The following PDCD10 variants were observed in gnomAD, a reference collection of about 807,000 sequenced individuals.
PDCD10 encodes the protein programmed cell death 10.
A neutral mutation model predicts 29.2 loss-of-function variants in PDCD10; 4 were observed. That is an observed-to-expected ratio of 0.14 (90% CI 0.07 to 0.31). PDCD10 has a LOEUF of 0.31. Among genes scored for constraint, PDCD10 ranks in the 10% least tolerant of loss-of-function variants. The pLI is 1.00. For synonymous variants in PDCD10, 70 were observed against 82.2 expected (o/e 0.85, Z 0.80); for missense variants, 183 against 257.9 (o/e 0.71, Z 1.99).
At chr3:167,709,028 C>A (rs186959814) in intron 3 of PDCD10, among the ~76,000 whole-genome samples, 1 of 151,756 alleles carries the variant, frequency 6.6e-6, no homozygotes, top group Non-Finnish European at 1.5e-5. Flanking sequence ...TAATTCAAAC[C>A]CAAAATGCTA....
At chr3:167,719,181 A>C (rs2108481478) in intron 3 of PDCD10, among the ~76,000 whole-genome samples, 1 of 152,276 alleles carries the variant, frequency 6.6e-6, no homozygotes, top group South Asian at 2.1e-4. Context: ...AATTCATTGG[A>C]AATGGTGAGA....
intron 4 of PDCD10, among the ~76,000 whole-genome samples, chr3:167,700,838 A>G (rs1721335031): frequency 6.6e-6 from 1 of 152,234 alleles, no homozygotes; most frequent in Non-Finnish European, 1.5e-5. Context: ...CCCACACACC[A>G]TTAAGAAAAT....
At chr3:167,690,700 A>C (rs1385234716) in intron 6 of PDCD10, among the ~76,000 whole-genome samples, 1 of 152,202 alleles carries the variant, frequency 6.6e-6, no homozygotes, top group African/African-American at 2.4e-5. Flanking sequence ...CATTGAGAAA[A>C]GGGAGGAAAA....
chr3:167,704,353 G>C (rs1439790495), intron 4 of PDCD10, among the ~76,000 whole-genome samples: 1 of 151,984 alleles, frequency 6.6e-6, no homozygotes, highest in Non-Finnish European at 1.5e-5. Flanking sequence ...TCAGCCTCCT[G>C]AGTAGCAAGA....
In PDCD10 at chr3:167,687,190, A is replaced by C. The variant is rs756797969; in HGVS notation, c.557+44T>G. 5 of 991,430 alleles carry C rather than the reference A, an allele frequency of 5.0e-6. No individual in the cohort carries two copies. In the African/African-American group the frequency reaches 6.5e-5, roughly 13 times the overall value. The allele number at this position is 991,430 out of a possible 1,614,324, so 61.4% of individuals were successfully genotyped here. A position where few individuals can be genotyped will look rare whatever the true frequency, so the allele number is the denominator to read the frequency against. On this transcript the variant is annotated intron_variant, in intron 8 of 8. Coordinates refer to ENST00000392750, the MANE Select transcript of PDCD10 (RefSeq NM_007217.4). ...GTTTTCATATCATATAAAACCACAT[A>C]ATCTATTTAATTTTAAAAGTAAAGG...
intron 5 of PDCD10, 127 bp downstream of exon 5, chr3:167,696,876 CCATCAT>C: frequency 1.4e-6 from 1 of 724,090 alleles, no homozygotes; most frequent in Non-Finnish European, 2.5e-6. Flanking sequence ...ACCACCACCA[CCATCAT>C]CATCATAAGT....
chr3:167,703,982 T>G (rs1271048321), intron 4 of PDCD10, among the ~76,000 whole-genome samples: 1 of 152,240 alleles, frequency 6.6e-6, no homozygotes, highest in Non-Finnish European at 1.5e-5. Context: ...TATCTTGATC[T>G]GACCTAGTCT....
intron 3 of PDCD10, among the ~76,000 whole-genome samples, chr3:167,712,550 A>C (rs1408628249): frequency 6.6e-6 from 1 of 152,058 alleles, no homozygotes; most frequent in African/African-American, 2.4e-5. Context: ...AGGAAGGAAA[A>C]AAGGAAGAGA....
In PDCD10 at chr3:167,720,201, G is replaced by A; in HGVS notation, c.-44C>T. 7.9e-7 allele frequency: 1 copy of A among 1,263,308 alleles called. No homozygotes were observed. The allele number at this position is 1,263,308 out of a possible 1,614,324, so 78.3% of individuals were successfully genotyped here. A position where few individuals can be genotyped will look rare whatever the true frequency, so the allele number is the denominator to read the frequency against. ...TGAAAAAGCAGTGCTAAAATGCAGA[G>A]GAATCTTCATTCACTGCAATATTTC... On this transcript the variant is annotated 5_prime_UTR_variant, in exon 3 of 9. Coordinates refer to ENST00000392750, the MANE Select transcript of PDCD10 (RefSeq NM_007217.4).
Position 167,684,360 on chromosome 3 carries a change from C to A in PDCD10, c.587G>T (p.Arg196Leu). Reference protein sequence around the residue: ...KAINVFVSANRLIHQTNLILQ... With the variant: ...KAINVFVSANLLIHQTNLILQ... ...TATTAAGTTGGTTTGATGAATTAGT[C>A]GGTTGGCACTTACGAACACATTTAT... Residue 196 changes from arginine (R) to leucine (L), a missense_variant, in exon 9 of 9, where the codon CGA becomes CTA. Coordinates refer to ENST00000392750, the MANE Select transcript of PDCD10 (RefSeq NM_007217.4). 1.9e-6 allele frequency: 3 copies of A among 1,606,652 alleles called. No individual in the cohort carries two copies. Among genetic ancestry groups the A allele is most frequent in the Non-Finnish European group, 2.6e-6 (3 of 1,173,858 alleles).
intron 2 of PDCD10, among the ~76,000 whole-genome samples, chr3:167,728,577 A>C (rs1483624973): frequency 1.3e-5 from 2 of 152,214 alleles, no homozygotes; most frequent in African/African-American, 2.4e-5. Flanking sequence ...CTCTAACCTA[A>C]AATTGTAAAA....
At chr3:167,726,226 G>A (rs936971976) in intron 2 of PDCD10, among the ~76,000 whole-genome samples, 4 of 144,724 alleles carry the variant, frequency 2.8e-5, no homozygotes, top group East Asian at 2.1e-4. Context: ...TCAGCCTCTC[G>A]AGTACTGGGA....
At chr3:167,706,257 C>A (rs1469873856) in intron 3 of PDCD10, among the ~76,000 whole-genome samples, 1 of 152,178 alleles carries the variant, frequency 6.6e-6, no homozygotes, top group Non-Finnish European at 1.5e-5. Context: ...TATACTAAAT[C>A]AAAAATCTGT....
intron 3 of PDCD10, among the ~76,000 whole-genome samples, chr3:167,719,032 T>TGTA (rs1253002060): frequency 2.0e-5 from 3 of 151,948 alleles, no homozygotes; most frequent in Non-Finnish European, 4.4e-5. Flanking sequence ...TGGCAACGAG[T>TGTA]GTAAATGGAT....
chr3:167,723,072 T>G (rs776770146), intron 2 of PDCD10, among the ~76,000 whole-genome samples: 10 of 152,196 alleles, frequency 6.6e-5, no homozygotes, highest in Admixed American at 2.6e-4. Context: ...AACTGAACTT[T>G]TTAGAACACA....
At chr3:167,700,174 T>C (rs1721244666) in intron 4 of PDCD10, among the ~76,000 whole-genome samples, 1 of 152,212 alleles carries the variant, frequency 6.6e-6, no homozygotes, top group Non-Finnish European at 1.5e-5. Context: ...CCACCTCCTG[T>C]TGCTATTGCA....
intron 2 of PDCD10, among the ~76,000 whole-genome samples, chr3:167,728,212 T>C (rs1229285161): frequency 6.8e-6 from 1 of 147,262 alleles, no homozygotes; most frequent in African/African-American, 2.5e-5. Flanking sequence ...GATAAAGACA[T>C]AGAGAAAGAT....
intron 3 of PDCD10, among the ~76,000 whole-genome samples, chr3:167,718,767 C>T (rs930830593): frequency 3.6e-4 from 54 of 151,154 alleles, no homozygotes; most frequent in Non-Finnish European, 1.0e-4. Flanking sequence ...CTGAGGTGAC[C>T]TTGATTGATA....
chr3:167,705,255 G>A (rs1281606737), intron 3 of PDCD10, among the ~76,000 whole-genome samples: 1 of 152,036 alleles, frequency 6.6e-6, no homozygotes. Flanking sequence ...CATTTGTAAA[G>A]AGTTAACTGC....
Sources: gnomAD v4.1 joint callset for allele counts (sites outside exome capture counted in the v4.1 genomes callset) on GRCh38, gnomAD v4.1.1 for gene constraint, MANE v1.5 for transcripts, NCBI Gene and HGNC (gene_info 2026-07-23, HGNC 2026-07-21) for gene names.